The following PARD3 variants were observed in gnomAD, a reference collection of about 807,000 sequenced individuals.
PARD3 encodes the protein partitioning defective 3 homolog.
In PARD3, 75 loss-of-function variants were observed where a neutral mutation model predicts 155.4. The observed-to-expected ratio is 0.48, with a 90% confidence interval of 0.40 to 0.58. The LOEUF (loss-of-function observed/expected upper bound fraction) is 0.58. PARD3 is among the 20% of genes least tolerant of loss of function. PARD3 has a pLI of 0.00. For synonymous variants in PARD3, 576 were observed against 610.5 expected (o/e 0.94, Z 0.83); for missense variants, 1,642 against 1,721.7 (o/e 0.95, Z 0.82).
At chr10:34,813,376 A>G (rs1844456442) in intron 1 of PARD3, among the ~76,000 whole-genome samples, 1 of 152,224 alleles carries the variant, frequency 6.6e-6, no homozygotes, top group East Asian at 1.9e-4. Flanking sequence ...ACTCTTTTGG[A>G]ACATTTAAAG....
intron 22 of PARD3, among the ~76,000 whole-genome samples, chr10:34,235,784 G>T (rs34667570): frequency 0.026 from 3,957 of 152,290 alleles, 87 homozygotes; most frequent in Non-Finnish European, 0.038. Flanking sequence ...GCTTTTGCAT[G>T]TCTTTTATAT....
chr10:34,337,432 G>A lies in PARD3; in HGVS notation c.2409-6C>T. The A allele has an allele frequency of 6.5e-7, 1 of 1,534,658 alleles. No individual in the cohort carries two copies. The highest frequency in any genetic ancestry group is 8.7e-7 in the Non-Finnish European group (1 of 1,147,046). On this transcript the variant is annotated splice_polypyrimidine_tract_variant and splice_region_variant and intron_variant, in intron 16 of 24. Coordinates refer to ENST00000374788, the MANE Select transcript of PARD3 (RefSeq NM_001184785.2). ...CAACATCTGGACTCAAAGAGCTGGA[G>A]TGAAGAAAAAATAAAAATAAAAATA...
intron 23 of PARD3, 124 bp downstream of exon 23, chr10:34,131,339 T>C: frequency 1.0e-6 from 1 of 975,684 alleles, no homozygotes; most frequent in East Asian, 2.4e-5. Flanking sequence ...GTCAATATGT[T>C]AAAGGTCAAA....
At chr10:34,723,061 TG>T (rs2094633891) in intron 1 of PARD3, among the ~76,000 whole-genome samples, 1 of 152,094 alleles carries the variant, frequency 6.6e-6, no homozygotes, top group Non-Finnish European at 1.5e-5. Context: ...ATATATATAT[TG>T]GCCAGGCACG....
intron 13 of PARD3, 48 bp from the exon 14 acceptor site, chr10:34,359,365 A>C: frequency 7.4e-7 from 1 of 1,359,338 alleles, no homozygotes; most frequent in East Asian, 2.3e-5. Flanking sequence ...AGACTGCTAT[A>C]AAAGAAGTAG....
Position 34,517,289 on chromosome 10 carries a change from A to G in PARD3, c.223-130T>C, listed in dbSNP as rs2081840110. Reference sequence around the variant, plus strand: ...AAATGACCCTAGAATGGTAAGTTTTACGAAGAAAAACCTCAAAGAAACAGT... The same window carrying G: ...AAATGACCCTAGAATGGTAAGTTTTGCGAAGAAAAACCTCAAAGAAACAGT... On this transcript the variant is annotated intron_variant, in intron 2 of 24. Coordinates refer to ENST00000374788, the MANE Select transcript of PARD3 (RefSeq NM_001184785.2). 6.9e-6 allele frequency: 5 copies of G among 720,604 alleles called. No homozygotes were observed. In the South Asian group the frequency reaches 1.4e-4, roughly 20 times the overall value. The allele number at this position is 720,604 out of a possible 1,614,324, so 44.6% of individuals were successfully genotyped here.
At position 34,647,395 on chromosome 10, in the gene PARD3, C is replaced by T. The variant is rs72781610; in HGVS notation, c.222+48923G>A. Reference sequence around the variant, plus strand: ...GTCACTTCAAAGTGTCCGTTTTGCACGGGTTTCGCAAAGCCAGCAGTCCTA... The same window carrying T: ...GTCACTTCAAAGTGTCCGTTTTGCATGGGTTTCGCAAAGCCAGCAGTCCTA... On this transcript the variant is annotated intron_variant, in intron 2 of 24. Transcript: ENST00000374788. Among the ~76,000 whole-genome samples the T allele has an allele frequency of 3.4e-3, 514 of 152,246 alleles. 2 individuals carry two copies. The highest frequency in any genetic ancestry group is 8.9e-3 in the Admixed American group (136 of 15,288).
At chr10:34,713,504 T>C (rs1396995766) in intron 1 of PARD3, among the ~76,000 whole-genome samples, 9 of 151,824 alleles carry the variant, frequency 5.9e-5, no homozygotes, top group Admixed American at 3.9e-4. Context: ...ACACCTGTAA[T>C]CCCAGAACAC....
chr10:34,437,085 G>C (rs199900609), intron 5 of PARD3, among the ~76,000 whole-genome samples: 5 of 114,396 alleles, frequency 4.4e-5, no homozygotes, highest in African/African-American at 1.5e-4. Flanking sequence ...AAAAATTAAA[G>C]AATGTTATCA....
intron 1 of PARD3, among the ~76,000 whole-genome samples, chr10:34,806,342 T>C (rs1843383546): frequency 6.6e-6 from 1 of 151,962 alleles, no homozygotes; most frequent in Non-Finnish European, 1.5e-5. Context: ...ATTATAGGTG[T>C]GCACCACCAT....
chr10:34,418,235 C>T (rs981103273), intron 5 of PARD3, among the ~76,000 whole-genome samples: 1 of 152,076 alleles, frequency 6.6e-6, no homozygotes, highest in Non-Finnish European at 1.5e-5. Flanking sequence ...AGTGCAGTGG[C>T]TTGATCTTAG....
At chr10:34,459,423 G>A (rs1022339676) in intron 4 of PARD3, among the ~76,000 whole-genome samples, 10 of 151,846 alleles carry the variant, frequency 6.6e-5, no homozygotes, top group Admixed American at 5.2e-4. Context: ...CGCCCGCCTC[G>A]GCCTCCCAAA....
chr10:34,294,012 A>G (rs1956791433), intron 20 of PARD3, among the ~76,000 whole-genome samples: 1 of 152,182 alleles, frequency 6.6e-6, no homozygotes, highest in Non-Finnish European at 1.5e-5. Context: ...ACAAAAACAC[A>G]TCCATTTAAA....
At chr10:34,587,369 G>T (rs951093582) in intron 2 of PARD3, among the ~76,000 whole-genome samples, 1 of 151,982 alleles carries the variant, frequency 6.6e-6, no homozygotes, top group African/African-American at 2.4e-5. Context: ...CAAAGTGCTG[G>T]GATTACAGGT....
Position 34,811,460 on chromosome 10 carries a change from C to T in PARD3, c.120+3416G>A, listed in dbSNP as rs148397330. Among the ~76,000 whole-genome samples, 489 of 152,312 alleles carry T rather than the reference C, an allele frequency of 3.2e-3. 2 individuals are homozygous for T. Among genetic ancestry groups the T allele is most frequent in the African/African-American group, 0.01 (430 of 41,562 alleles). ...TCTGCCCCTGCAGGCAGGTGCCTCA[C>T]CCAGTTAGCAAGCACTGCCCTATAT... On this transcript the variant is annotated intron_variant, in intron 1 of 24. Coordinates refer to ENST00000374788, the MANE Select transcript of PARD3 (RefSeq NM_001184785.2).
Position 34,382,573 on chromosome 10 carries a change from T to C in PARD3, c.1366A>G (p.Ile456Val). ...AGCTGGATATTAAGCCTCTTGCCTATTTTTTTGGTGTTATAACCACTGCTT... is the reference window on the plus strand; with the variant it reads ...AGCTGGATATTAAGCCTCTTGCCTACTTTTTTGGTGTTATAACCACTGCTT... ...TVSSGYNTKKIGKRLNIQLKK... is the reference protein window; with the variant it reads ...TVSSGYNTKKVGKRLNIQLKK... The change falls in exon 9 of 25, where the codon ATA (isoleucine) becomes GTA (valine). Residue 456 changes from isoleucine to valine, a missense_variant. By Grantham distance (29) the Ile-to-Val change is conservative. Transcript: ENST00000374788. 3 of 1,612,238 alleles carry C rather than the reference T, an allele frequency of 1.9e-6. No individual in the cohort carries two copies. Among genetic ancestry groups the C allele is most frequent in the Non-Finnish European group, 2.5e-6 (3 of 1,179,328 alleles).
In PARD3 at chr10:34,135,474, T is replaced by C. The variant is rs372901409; in HGVS notation, c.3420-3891A>G. On this transcript the variant is annotated intron_variant, in intron 22 of 24. Coordinates refer to ENST00000374788, the MANE Select transcript of PARD3 (RefSeq NM_001184785.2). ...CAGAACTATGTGACCCTGAATTATA[T>C]GGAACGTCCATAATTACTACGGGGA... 2.5e-4 allele frequency among the ~76,000 whole-genome samples: 38 copies of C among 152,354 alleles called. No homozygotes were observed. In the East Asian group the frequency reaches 7.3e-3, roughly 29 times the overall value.
At chr10:34,474,056 T>C (rs778443469) in intron 3 of PARD3, among the ~76,000 whole-genome samples, 1 of 152,266 alleles carries the variant, frequency 6.6e-6, no homozygotes, top group South Asian at 2.1e-4. Flanking sequence ...TCCCAGCTAC[T>C]CAGGAGCCTT....
At chr10:34,752,821 GTTA>G (rs928446174) in intron 1 of PARD3, among the ~76,000 whole-genome samples, 1 of 152,212 alleles carries the variant, frequency 6.6e-6, no homozygotes, top group African/African-American at 2.4e-5. Flanking sequence ...TTGATTTGGG[GTTA>G]TTATCTCCTT....
Sources: gnomAD v4.1 joint callset for allele counts (sites outside exome capture counted in the v4.1 genomes callset) on GRCh38, gnomAD v4.1.1 for gene constraint, MANE v1.5 for transcripts, NCBI Gene and HGNC (gene_info 2026-07-23, HGNC 2026-07-21) for gene names.